The following CACNA2D1 variants were observed in gnomAD, a reference collection of about 807,000 sequenced individuals.
CACNA2D1 encodes the protein calcium voltage-gated channel auxiliary subunit alpha2delta 1.
A neutral mutation model predicts 171.5 loss-of-function variants in CACNA2D1; 53 were observed. The ratio of observed to expected loss-of-function variants is 0.31; its 90% CI spans 0.25 to 0.39. The LOEUF is 0.39. Ranked by LOEUF, CACNA2D1 falls within the 10% of genes least tolerant of loss-of-function variation. The pLI is 1.00. For missense variants in CACNA2D1, 903 were observed against 1,299.8 expected, an observed-to-expected ratio of 0.69 and a Z score of 4.69; for synonymous variants, 442 against 443.1, an observed-to-expected ratio of 1.00 and a Z score of 0.03.
At chr7:82,367,988 A>G (rs1821942582) in intron 1 of CACNA2D1, among the ~76,000 whole-genome samples, 1 of 152,196 alleles carries the variant, frequency 6.6e-6, no homozygotes, top group Non-Finnish European at 1.5e-5. Flanking sequence ...TAAAAGGATC[A>G]CTGTTTCCTC....
chr7:82,066,596 A>AT, intron 7 of CACNA2D1, 72 bp from the exon 8 acceptor site: 1 of 1,515,384 alleles, frequency 6.6e-7, no homozygotes. Context: ...GAGACTTTAA[A>AT]AATCACAAAA....
At chr7:82,166,717 T>C (rs762164584) in intron 4 of CACNA2D1, among the ~76,000 whole-genome samples, 1 of 152,012 alleles carries the variant, frequency 6.6e-6, no homozygotes, top group Non-Finnish European at 1.5e-5. Flanking sequence ...CACCCATAAA[T>C]TGTATGGAGA....
intron 1 of CACNA2D1, among the ~76,000 whole-genome samples, chr7:82,375,045 T>C (rs1459057368): frequency 6.6e-6 from 1 of 152,136 alleles, no homozygotes; most frequent in Admixed American, 6.6e-5. Context: ...ATATAAGAGA[T>C]TTACTCCCAA....
rs1324664679 is a variant in CACNA2D1, at chr7:82,140,954, T to TAAAAAAAAAAAAAAAAAA, written c.355-4279_355-4278insTTTTTTTTTTTTTTTTTT. The stretch of plus-strand genomic sequence containing the variant: ...TAGGCGACAGAGCAAGACTCGTCTC[T>TAAAAAAAAAAAAAAAAAA]AAAAAAAAAAAAAAAGAAAAAAAAA... On this transcript the variant is annotated intron_variant, in intron 4 of 38. Coordinates refer to ENST00000356860, the MANE Select transcript of CACNA2D1 (RefSeq NM_000722.4). 1.1e-3 allele frequency among the ~76,000 whole-genome samples: 99 copies of TAAAAAAAAAAAAAAAAAA among 91,696 alleles called. 2 individuals are homozygous for TAAAAAAAAAAAAAAAAAA. Among genetic ancestry groups the TAAAAAAAAAAAAAAAAAA allele is most frequent in the African/African-American group, 2.8e-3 (54 of 19,562 alleles). 60.2% of individuals were successfully genotyped at this position (91,696 alleles called of 152,430 possible).
chr7:82,246,448 C>A (rs190608628), intron 3 of CACNA2D1, among the ~76,000 whole-genome samples: 1 of 152,154 alleles, frequency 6.6e-6, no homozygotes, highest in African/African-American at 2.4e-5. Context: ...TAAGAAACAT[C>A]ATAGAACATT....
chr7:82,362,120 T>C (rs1037607739), intron 1 of CACNA2D1, among the ~76,000 whole-genome samples: 1 of 152,174 alleles, frequency 6.6e-6, no homozygotes, highest in Non-Finnish European at 1.5e-5. Context: ...CTGCTTAAGA[T>C]GGCACGCCCA....
intron 6 of CACNA2D1, among the ~76,000 whole-genome samples, chr7:82,113,267 C>T (rs1056449732): frequency 5.3e-5 from 8 of 151,952 alleles, no homozygotes; most frequent in African/African-American, 1.9e-4. Flanking sequence ...GAAGACAGCC[C>T]TACATTGAGT....
At chr7:82,048,582 A>G (rs1329749272) in intron 10 of CACNA2D1, among the ~76,000 whole-genome samples, 1 of 152,134 alleles carries the variant, frequency 6.6e-6, no homozygotes, top group African/African-American at 2.4e-5. Flanking sequence ...GAATTTGATG[A>G]AATAGATTTT....
intron 29 of CACNA2D1, 140 bp downstream of exon 29, chr7:81,968,747 T>C: frequency 3.3e-6 from 2 of 608,808 alleles, no homozygotes; most frequent in Non-Finnish European, 2.9e-6. Flanking sequence ...CATATTTTAT[T>C]TAATTTTTTT....
At chr7:82,134,575 C>T (rs565692955) in intron 5 of CACNA2D1, among the ~76,000 whole-genome samples, 256 of 152,222 alleles carry the variant, frequency 1.7e-3, no homozygotes, top group African/African-American at 5.9e-3. Flanking sequence ...TAAATGTGGA[C>T]ATTTTACTAT....
At chr7:81,953,190 T>C (rs1177442053) in intron 38 of CACNA2D1, among the ~76,000 whole-genome samples, 1 of 152,118 alleles carries the variant, frequency 6.6e-6, no homozygotes, top group Non-Finnish European at 1.5e-5. Context: ...GCTTCCACTT[T>C]TGCAAAAGCT....
chr7:82,022,503 T>G (rs910159936), intron 12 of CACNA2D1, among the ~76,000 whole-genome samples: 1 of 151,896 alleles, frequency 6.6e-6, no homozygotes. Context: ...TCTTTCATTA[T>G]CATATATTTG....
intron 4 of CACNA2D1, among the ~76,000 whole-genome samples, chr7:82,140,200 G>C (rs1318047774): frequency 1.3e-5 from 2 of 152,084 alleles, no homozygotes; most frequent in Non-Finnish European, 2.9e-5. Context: ...AACAAAATGA[G>C]AAAGCACTTA....
chr7:81,967,322 T>TA (rs1794812971), intron 30 of CACNA2D1, 115 bp from the exon 31 acceptor site: 2 of 899,122 alleles, frequency 2.2e-6, no homozygotes, highest in South Asian at 2.9e-5. Flanking sequence ...AAAATAAGAT[T>TA]AAACAGTCTA....
At chr7:82,162,031 T>A (rs888744376) in intron 4 of CACNA2D1, among the ~76,000 whole-genome samples, 2 of 151,958 alleles carry the variant, frequency 1.3e-5, no homozygotes, top group Non-Finnish European at 1.5e-5. Flanking sequence ...AGAAAGGAAA[T>A]ACAGTAAGTG....
chr7:82,377,392 T>A (rs1823136311), intron 1 of CACNA2D1, among the ~76,000 whole-genome samples: 1 of 152,212 alleles, frequency 6.6e-6, no homozygotes, highest in Admixed American at 6.5e-5. Context: ...CCTATTTTAT[T>A]TTCAGAGCTA....
intron 3 of CACNA2D1, among the ~76,000 whole-genome samples, chr7:82,287,955 C>G (rs1444825968): frequency 6.6e-6 from 1 of 151,596 alleles, no homozygotes; most frequent in African/African-American, 2.4e-5. Context: ...CTCAGCCTCC[C>G]GAGTAGCTGG....
intron 3 of CACNA2D1, among the ~76,000 whole-genome samples, chr7:82,250,486 A>T (rs537879754): frequency 4.0e-4 from 61 of 152,304 alleles, no homozygotes; most frequent in Admixed American, 2.4e-3. Context: ...ACTTCATCAC[A>T]TAAGTAGGTA....
chr7:82,333,591 A>G (rs1025827545), intron 3 of CACNA2D1, among the ~76,000 whole-genome samples: 2 of 151,938 alleles, frequency 1.3e-5, no homozygotes, highest in African/African-American at 4.8e-5. Context: ...CGCCCCCATG[A>G]TTCAATTACC....
Sources: gnomAD v4.1 joint callset for allele counts (sites outside exome capture counted in the v4.1 genomes callset) on GRCh38, gnomAD v4.1.1 for gene constraint, MANE v1.5 for transcripts, NCBI Gene and HGNC (gene_info 2026-07-23, HGNC 2026-07-21) for gene names.